The following RGS7 variants were observed in gnomAD, a reference collection of about 807,000 sequenced individuals.
The protein encoded by RGS7 is regulator of G-protein signaling 7.
A neutral mutation model predicts 81.1 loss-of-function variants in RGS7; 27 were observed. The observed-to-expected ratio is 0.33, with a 90% CI of 0.25 to 0.46. RGS7 has a LOEUF of 0.46. RGS7 is among the 20% of genes least tolerant of loss of function. RGS7 has a pLI of 1.00. For synonymous variants in RGS7, 208 were observed against 207.7 expected, an observed-to-expected ratio of 1.00 and a Z score of -0.01; for missense variants, 396 against 607.4, an observed-to-expected ratio of 0.65 and a Z score of 3.66.
intron 2 of RGS7, among the ~76,000 whole-genome samples, chr1:241,235,942 C>T (rs981315223): frequency 4.9e-5 from 4 of 82,090 alleles, no homozygotes; most frequent in African/African-American, 1.7e-4. Flanking sequence ...GAAAGACAGA[C>T]AGAGACAGAG....
At chr1:241,053,956 T>C (rs2061368663) in intron 3 of RGS7, among the ~76,000 whole-genome samples, 1 of 152,206 alleles carries the variant, frequency 6.6e-6, no homozygotes, top group African/African-American at 2.4e-5. Context: ...TAAACCTCTT[T>C]TTCTTTATAA....
intron 3 of RGS7, among the ~76,000 whole-genome samples, chr1:241,080,545 A>C (rs1352701590): frequency 6.6e-6 from 1 of 152,196 alleles, no homozygotes; most frequent in Non-Finnish European, 1.5e-5. Flanking sequence ...TAATAAAGTC[A>C]TTAATAATAA....
intron 3 of RGS7, among the ~76,000 whole-genome samples, chr1:240,991,201 G>C (rs1382243): frequency 0.45 from 69,130 of 151,976 alleles, 16,150 homozygotes; most frequent in African/African-American, 0.55. Flanking sequence ...AAGATCATGG[G>C]GATTTAACTA....
intron 2 of RGS7, among the ~76,000 whole-genome samples, chr1:241,212,159 T>C (rs1177292927): frequency 6.6e-6 from 1 of 152,040 alleles, no homozygotes; most frequent in Non-Finnish European, 1.5e-5. Flanking sequence ...TGAATACATG[T>C]ACTAATTGAG....
intron 3 of RGS7, among the ~76,000 whole-genome samples, chr1:241,067,613 G>A (rs1208717254): frequency 4.6e-5 from 7 of 150,996 alleles, no homozygotes; most frequent in South Asian, 2.1e-4. Flanking sequence ...TCTGCCTCCC[G>A]TGTTCCAGTG....
At chr1:240,953,573 G>C (rs899303888) in intron 4 of RGS7, among the ~76,000 whole-genome samples, 1 of 151,924 alleles carries the variant, frequency 6.6e-6, no homozygotes, top group African/African-American at 2.4e-5. Flanking sequence ...ATCAAAACAG[G>C]TGGACTGCAG....
chr1:240,984,125 G>C (rs1685314860), intron 3 of RGS7, among the ~76,000 whole-genome samples: 1 of 152,172 alleles, frequency 6.6e-6, no homozygotes, highest in African/African-American at 2.4e-5. Context: ...AGTAATAATG[G>C]AGTGCACAGT....
At position 240,775,708 on chromosome 1, in the gene RGS7, AC is replaced by A; in HGVS notation, c.*511del. 33 of 170,730 alleles carry A rather than the reference AC, an allele frequency of 1.9e-4. No individual in the cohort carries two copies. The highest frequency in any genetic ancestry group is 1.0e-3 in the East Asian group (7 of 6,886). 10.6% of individuals were successfully genotyped at this position (170,730 alleles called of 1,614,324 possible). On this transcript the variant is annotated 3_prime_UTR_variant, in exon 19 of 19. Coordinates refer to ENST00000440928, the MANE Select transcript of RGS7 (RefSeq NM_001364886.1). ...AGACATGAGTTTGTTTCTGACTGTG[AC>A]ACATTGGTGAAATGAAACTTTCTGT...
At position 240,913,033 on chromosome 1, in the gene RGS7, G is replaced by A. The variant is rs149933785; in HGVS notation, c.385+17684C>T. Among the ~76,000 whole-genome samples the A allele has an allele frequency of 4.5e-3, 681 of 152,244 alleles. 8 individuals carry two copies. The highest frequency in any genetic ancestry group is 0.015 in the African/African-American group (641 of 41,534). On this transcript the variant is annotated intron_variant, in intron 6 of 18. Coordinates refer to ENST00000440928, the MANE Select transcript of RGS7 (RefSeq NM_001364886.1). ...TCTCAGCAGGCTCGCTTCAGCATTC[G>A]GAGACACAACCAGCAAAACACTTCC...
At chr1:241,111,936 A>G (rs2065540624) in intron 2 of RGS7, among the ~76,000 whole-genome samples, 1 of 152,238 alleles carries the variant, frequency 6.6e-6, no homozygotes, top group South Asian at 2.1e-4. Context: ...AGAACATTTC[A>G]GAGTATCATG....
At chr1:241,065,576 C>T (rs545855961) in intron 3 of RGS7, among the ~76,000 whole-genome samples, 18 of 152,248 alleles carry the variant, frequency 1.2e-4, no homozygotes, top group African/African-American at 3.9e-4. Context: ...TTTAAACCAC[C>T]ATATTTCTTT....
intron 9 of RGS7, among the ~76,000 whole-genome samples, chr1:240,856,512 C>A (rs1464958064): frequency 2.0e-5 from 3 of 152,014 alleles, no homozygotes; most frequent in East Asian, 1.9e-4. Flanking sequence ...AGAAATGTAC[C>A]ACTTTACTTC....
rs2070016544 is a variant in RGS7, at chr1:241,164,487, A to T, written c.79-65725T>A. 6.6e-6 allele frequency among the ~76,000 whole-genome samples: 1 copy of T among 152,128 alleles called. No individual in the cohort carries two copies. The highest frequency in any genetic ancestry group is 6.5e-5 in the Admixed American group (1 of 15,276). ...CAGCCATCAGCCAACTCATTAGCAT[A>T]CAAAAAGACATCACTTCGGAGATTC... is the stretch of plus-strand genomic sequence containing the variant. On this transcript the variant is annotated intron_variant, in intron 2 of 18. Coordinates refer to ENST00000440928, the MANE Select transcript of RGS7 (RefSeq NM_001364886.1). This position sits in a 1 kb window ranked among gnomAD's most constrained non-coding sequence, Gnocchi z 4.1.
chr1:241,332,298 G>A (rs968359541), intron 2 of RGS7, among the ~76,000 whole-genome samples: 1 of 152,148 alleles, frequency 6.6e-6, no homozygotes, highest in Admixed American at 6.5e-5. Flanking sequence ...AAAAGAGAAG[G>A]CTTAGGGAGG....
At chr1:240,905,177 T>C (rs573333475) in intron 6 of RGS7, among the ~76,000 whole-genome samples, 13 of 152,292 alleles carry the variant, frequency 8.5e-5, no homozygotes, top group African/African-American at 3.1e-4. Context: ...TATGTGTTGA[T>C]TGGTGCTTGC....
intron 14 of RGS7, among the ~76,000 whole-genome samples, chr1:240,806,568 TA>T (rs71568969): frequency 0.062 from 9,152 of 148,696 alleles, 331 homozygotes; most frequent in South Asian, 0.085. Context: ...AAAATATAAA[TA>T]AAAAATATTA....
chr1:240,998,267 T>A (rs756733422), intron 3 of RGS7, among the ~76,000 whole-genome samples: 53 of 152,214 alleles, frequency 3.5e-4, no homozygotes, highest in Non-Finnish European at 6.5e-4. Flanking sequence ...TTTTCAAATG[T>A]TTATTAAGTG....
At chr1:241,066,010 T>C (rs2062040038) in intron 3 of RGS7, among the ~76,000 whole-genome samples, 1 of 152,168 alleles carries the variant, frequency 6.6e-6, no homozygotes, top group Non-Finnish European at 1.5e-5. Context: ...AAAAAGCATC[T>C]TAAAAAGGTA....
intron 3 of RGS7, among the ~76,000 whole-genome samples, chr1:241,032,710 A>T (rs1373880714): frequency 6.6e-6 from 1 of 152,206 alleles, no homozygotes; most frequent in East Asian, 1.9e-4. Flanking sequence ...GTCCTTCGTT[A>T]CATATATTCC....
Sources: gnomAD v4.1 joint callset for allele counts (sites outside exome capture counted in the v4.1 genomes callset) on GRCh38, gnomAD v4.1.1 for gene constraint, Gnocchi (gnomAD v3.1) non-coding constraint, MANE v1.5 for transcripts, NCBI Gene and HGNC (gene_info 2026-07-23, HGNC 2026-07-21) for gene names.